The following ANKS1B variants were observed in gnomAD, a reference collection of about 807,000 sequenced individuals.
ANKS1B encodes ankyrin repeat and sterile alpha motif domain containing 1B, also known as ankyrin repeat and sterile alpha motif domain-containing protein 1B.
In ANKS1B, 36 loss-of-function variants were observed where a neutral mutation model predicts 148.3. The observed-to-expected ratio is 0.24, with a 90% CI of 0.19 to 0.32. The LOEUF (loss-of-function observed/expected upper bound fraction) is 0.32, where lower values mean the gene tolerates loss of function less well. Ranked by LOEUF, ANKS1B falls within the 10% of genes least tolerant of loss-of-function variation. The pLI is 1.00. For missense variants in ANKS1B, 1,157 were observed against 1,542.6 expected, an observed-to-expected ratio of 0.75 and a Z score of 4.19; for synonymous variants, 542 against 560.8, an observed-to-expected ratio of 0.97 and a Z score of 0.47.
intron 25 of ANKS1B, among the ~76,000 whole-genome samples, chr12:98,769,269 C>T (rs570116925): frequency 7.6e-6 from 1 of 131,764 alleles, no homozygotes; most frequent in African/African-American, 2.8e-5. Flanking sequence ...TGGTATTGAA[C>T]TGCCCTACAT....
intron 1 of ANKS1B, among the ~76,000 whole-genome samples, chr12:99,850,341 C>A (rs1392227920): frequency 1.3e-5 from 2 of 150,274 alleles, no homozygotes; most frequent in Non-Finnish European, 3.0e-5. Flanking sequence ...CCTTTCTTCC[C>A]TGAAGCAGGC....
chr12:99,364,276 T>A (rs757759696), intron 12 of ANKS1B, among the ~76,000 whole-genome samples: 3 of 77,742 alleles, frequency 3.9e-5, no homozygotes, highest in Non-Finnish European at 7.3e-5. Context: ...AGTATATATA[T>A]ATTTGTTTAT....
At chr12:99,478,781 TAACA>T (rs758122608) in intron 10 of ANKS1B, among the ~76,000 whole-genome samples, 1 of 152,202 alleles carries the variant, frequency 6.6e-6, no homozygotes, top group Non-Finnish European at 1.5e-5. Flanking sequence ...ATAAACTTTC[TAACA>T]AACAATGATA....
At chr12:99,806,374 C>A (rs1430614729) in intron 4 of ANKS1B, 30 bp downstream of exon 4, 8 of 1,608,896 alleles carry the variant, frequency 5.0e-6, no homozygotes, top group Admixed American at 1.7e-5. Flanking sequence ...AGCATCATCA[C>A]TTTTAAAGCA....
chr12:99,432,187 G>C (rs565220249), intron 11 of ANKS1B, among the ~76,000 whole-genome samples: 5 of 152,292 alleles, frequency 3.3e-5, no homozygotes, highest in Admixed American at 3.3e-4. Flanking sequence ...AGAAGTGTGA[G>C]TTAAATAAGC....
Position 99,169,195 on chromosome 12 carries a change from G to A in ANKS1B, c.2420-14800C>T, listed in dbSNP as rs565051568. On this transcript the variant is annotated intron_variant, in intron 14 of 26. Transcript: ENST00000683438. The stretch of plus-strand genomic sequence containing the variant: ...GTGGAGAAAATGAGTTTATCATTTA[G>A]AGAAATGTCCTTTGAGATGAGAGAA... Among the ~76,000 whole-genome samples the A allele has an allele frequency of 3.3e-5, 5 of 152,266 alleles. No individual in the cohort carries two copies. The South Asian group carries it at 1.0e-3, about 32-fold the overall frequency.
intron 9 of ANKS1B, among the ~76,000 whole-genome samples, chr12:99,650,376 T>G (rs2098411334): frequency 1.1e-5 from 1 of 90,888 alleles, no homozygotes; most frequent in Non-Finnish European, 2.8e-5. Context: ...AGATTGTTTC[T>G]TTAAATGGTC....
At chr12:99,647,936 T>G in intron 9 of ANKS1B, 1 of 552,728 alleles carries the variant, frequency 1.8e-6, no homozygotes, top group Non-Finnish European at 3.2e-6. Flanking sequence ...TCCTGACAGC[T>G]CCATGCACTA....
intron 22 of ANKS1B, among the ~76,000 whole-genome samples, chr12:98,785,427 G>A (rs755465206): frequency 2.0e-5 from 3 of 152,098 alleles, no homozygotes; most frequent in Admixed American, 2.0e-4. Context: ...CCAAGATCGC[G>A]CCACTGCACT....
chr12:99,527,600 G>A (rs900857141), intron 9 of ANKS1B, among the ~76,000 whole-genome samples: 12 of 152,124 alleles, frequency 7.9e-5, no homozygotes, highest in African/African-American at 2.9e-4. Flanking sequence ...CAAATTGTTG[G>A]TGAAATATAC....
intron 1 of ANKS1B, among the ~76,000 whole-genome samples, chr12:99,861,519 T>TTAC (rs2090008236): frequency 6.6e-6 from 1 of 152,338 alleles, no homozygotes; most frequent in Admixed American, 6.5e-5. Flanking sequence ...ATTGATAGAA[T>TTAC]TGTTTTGTCT....
At chr12:99,068,644 T>C (rs898710477) in intron 16 of ANKS1B, among the ~76,000 whole-genome samples, 2 of 151,542 alleles carry the variant, frequency 1.3e-5, no homozygotes, top group Admixed American at 6.6e-5. Flanking sequence ...AGTGATTGTA[T>C]GTGTGCTTGT....
intron 12 of ANKS1B, among the ~76,000 whole-genome samples, chr12:99,290,078 G>T (rs1303114776): frequency 6.6e-6 from 1 of 151,104 alleles, no homozygotes; most frequent in Non-Finnish European, 1.5e-5. Context: ...AGGTGAAAAA[G>T]GAGATACTAC....
At chr12:99,880,685 A>G (rs2153736601) in intron 1 of ANKS1B, among the ~76,000 whole-genome samples, 1 of 152,330 alleles carries the variant, frequency 6.6e-6, no homozygotes, top group Non-Finnish European at 1.5e-5. Flanking sequence ...TTTTAGGCCT[A>G]TTGCTCCCAA....
intron 17 of ANKS1B, among the ~76,000 whole-genome samples, chr12:98,982,915 A>G (rs570756028): frequency 6.6e-6 from 1 of 152,336 alleles, no homozygotes; most frequent in South Asian, 2.1e-4. Flanking sequence ...TTGCTGGCTC[A>G]TAAGGTATAC....
intron 15 of ANKS1B, among the ~76,000 whole-genome samples, chr12:99,090,597 G>C (rs2053681289): frequency 6.6e-6 from 1 of 152,012 alleles, no homozygotes; most frequent in African/African-American, 2.4e-5. Context: ...CTTACACATA[G>C]AAAAACATGT....
At position 99,731,413 on chromosome 12, in the gene ANKS1B, C is replaced by CGTGTGTGTGT. The variant is rs71088145; in HGVS notation, c.1128+41499_1128+41508dup. Among the ~76,000 whole-genome samples, 636 of 143,798 alleles carry CGTGTGTGTGT rather than the reference C, an allele frequency of 4.4e-3. 3 individuals carry two copies. The highest frequency in any genetic ancestry group is 7.3e-3 in the African/African-American group (280 of 38,380). 94.3% of individuals were successfully genotyped at this position (143,798 alleles called of 152,430 possible). ...GGATTATAGGCGTGAACCACCGTGC[C>CGTGTGTGTGT]GTGTGTGTGTGTGTGTGTGTGTGTG... On this transcript the variant is annotated intron_variant, in intron 8 of 26. Coordinates refer to ENST00000683438, the MANE Select transcript of ANKS1B (RefSeq NM_001352186.2).
chr12:99,060,380 G>A (rs2041998589), intron 16 of ANKS1B, among the ~76,000 whole-genome samples: 1 of 151,942 alleles, frequency 6.6e-6, no homozygotes, highest in Admixed American at 6.6e-5. Context: ...GGTCAGCTAC[G>A]GGGCAGCTGA....
intron 1 of ANKS1B, among the ~76,000 whole-genome samples, chr12:99,826,409 G>T (rs1433342753): frequency 6.6e-6 from 1 of 152,148 alleles, no homozygotes; most frequent in African/African-American, 2.4e-5. Context: ...TTAAACTAAG[G>T]TGGGTCAATG....
Sources: gnomAD v4.1 joint callset for allele counts (sites outside exome capture counted in the v4.1 genomes callset) on GRCh38, gnomAD v4.1.1 for gene constraint, MANE v1.5 for transcripts, NCBI Gene and HGNC (gene_info 2026-07-23, HGNC 2026-07-21) for gene names.